Variants in TEX2 observed in about 807,000 individuals in gnomAD.
The protein encoded by TEX2 is testis expressed 2.
In TEX2, 53 loss-of-function variants were observed where a neutral mutation model predicts 106.9. That is an observed-to-expected ratio of 0.50 (90% confidence interval 0.40 to 0.62). The LOEUF is 0.62. Among genes scored for constraint, TEX2 ranks in the 20% least tolerant of loss-of-function variants. The pLI, the probability that TEX2 is intolerant of heterozygous loss-of-function variation, is 0.00. For missense variants in TEX2, 1,207 were observed against 1,379.0 expected, an observed-to-expected ratio of 0.88 and a Z score of 1.98; for synonymous variants, 523 against 534.8, an observed-to-expected ratio of 0.98 and a Z score of 0.30.
At position 64,213,693 on chromosome 17, in the gene TEX2, G is replaced by A; in HGVS notation, c.525C>T (p.Ser175=). 1 of 1,614,154 alleles carries A rather than the reference G, an allele frequency of 6.2e-7. No individual in the cohort carries two copies. The highest frequency in any genetic ancestry group is 8.5e-7 in the Non-Finnish European group (1 of 1,180,028). ...SSPSKSPILS[S]SASTSTLSSA... Reference sequence around the variant, plus strand: ...TGGAAAGGGTGGAGGTTGAGGCACTGGATGAGAGGATGGGAGACTTAGAAG... The same window carrying A: ...TGGAAAGGGTGGAGGTTGAGGCACTAGATGAGAGGATGGGAGACTTAGAAG... The change falls in exon 2 of 12, where the codon TCC becomes TCT. Residue 175 remains serine (S), a synonymous_variant. Coordinates refer to ENST00000584379, the MANE Select transcript of TEX2 (RefSeq NM_001288732.2). The surrounding 1 kb of genome is among the most constrained non-coding windows in gnomAD (Gnocchi z 4.4).
intron 6 of TEX2, 24 bp from the exon 7 acceptor site, chr17:64,171,223 A>G: frequency 6.3e-7 from 1 of 1,594,324 alleles, no homozygotes; most frequent in East Asian, 2.2e-5. Context: ...GCAAACAATG[A>G]GTGAGACCCA....
At chr17:64,243,915 T>C (rs1466400170) in intron 1 of TEX2, among the ~76,000 whole-genome samples, 4 of 151,746 alleles carry the variant, frequency 2.6e-5, no homozygotes, top group African/African-American at 9.7e-5. Context: ...TTCAAGCGAT[T>C]CTCCTGCCTC....
chr17:64,238,795 A>C (rs2033825317), intron 1 of TEX2, among the ~76,000 whole-genome samples: 1 of 152,250 alleles, frequency 6.6e-6, no homozygotes, highest in Non-Finnish European at 1.5e-5. Context: ...GGGTGGGGAC[A>C]CAGCCAAACC....
chr17:64,214,831 G>T (rs2033137233), intron 1 of TEX2, among the ~76,000 whole-genome samples: 1 of 152,230 alleles, frequency 6.6e-6, no homozygotes, highest in Admixed American at 6.5e-5. Context: ...GCCATGGTCT[G>T]TTGGCCTCCT....
chr17:64,257,196 A>G (rs2034199807), intron 1 of TEX2, among the ~76,000 whole-genome samples: 1 of 152,214 alleles, frequency 6.6e-6, no homozygotes, highest in Non-Finnish European at 1.5e-5. Context: ...AATCCAGCAG[A>G]CAAAGGTTAC....
intron 1 of TEX2, among the ~76,000 whole-genome samples, chr17:64,244,600 T>C (rs2033953210): frequency 1.3e-5 from 2 of 152,186 alleles, no homozygotes; most frequent in Admixed American, 6.5e-5. Context: ...GGCAAGCTTT[T>C]TTCTTCAACT....
At chr17:64,158,040 T>G (rs2030712717) in intron 8 of TEX2, among the ~76,000 whole-genome samples, 4 of 152,256 alleles carry the variant, frequency 2.6e-5, no homozygotes, top group Admixed American at 2.6e-4. Context: ...CTCAGGTTAC[T>G]ATCTCAATCC....
chr17:64,155,135 C>A, intron 8 of TEX2, 168 bp from the exon 9 acceptor site: 1 of 796,932 alleles, frequency 1.3e-6, no homozygotes, highest in South Asian at 2.9e-5. Context: ...GAGGCCCAAT[C>A]CAAGAATCCT....
chr17:64,188,503 T>G, intron 4 of TEX2, 88 bp from the exon 5 acceptor site: 1 of 1,577,312 alleles, frequency 6.3e-7, no homozygotes, highest in South Asian at 1.2e-5. Context: ...GCTACAATGC[T>G]ATCAAATGAC....
intron 7 of TEX2, 101 bp from the exon 8 acceptor site, chr17:64,161,034 A>G: frequency 7.7e-7 from 1 of 1,294,644 alleles, no homozygotes. Flanking sequence ...ACCATACTGA[A>G]AGTCCATGTA....
intron 1 of TEX2, among the ~76,000 whole-genome samples, chr17:64,252,651 A>C (rs576380889): frequency 6.6e-6 from 1 of 152,174 alleles, no homozygotes; most frequent in East Asian, 1.9e-4. Flanking sequence ...CCTCAAGTTG[A>C]GTTTCCCTTA....
chr17:64,208,105 C>A (rs1555630999), intron 2 of TEX2, among the ~76,000 whole-genome samples: 1 of 152,166 alleles, frequency 6.6e-6, no homozygotes, highest in African/African-American at 2.4e-5. Flanking sequence ...CACAGGAGAG[C>A]AGACTTGGGT....
chr17:64,202,477 C>T (rs114195264), intron 2 of TEX2, among the ~76,000 whole-genome samples: 44 of 152,322 alleles, frequency 2.9e-4, no homozygotes, highest in Middle Eastern at 3.4e-3. Context: ...CCTTTTGATA[C>T]CATTAATCAG....
At chr17:64,151,037 C>T in intron 10 of TEX2, 76 bp from the exon 11 acceptor site, 1 of 1,510,642 alleles carries the variant, frequency 6.6e-7, no homozygotes, top group Non-Finnish European at 9.0e-7. Flanking sequence ...AAACAGTTCT[C>T]ATTTACATGG....
chr17:64,182,809 ACT>A (rs1491040527), intron 5 of TEX2, among the ~76,000 whole-genome samples: 2 of 73,480 alleles, frequency 2.7e-5, no homozygotes, highest in African/African-American at 9.8e-5. Flanking sequence ...TGCATAATAA[ACT>A]TATTTTTATT....
intron 10 of TEX2, 91 bp downstream of exon 10, chr17:64,152,854 C>T (rs920506159): frequency 6.8e-5 from 91 of 1,342,042 alleles, no homozygotes; most frequent in Non-Finnish European, 8.7e-5. Flanking sequence ...GGAGAAGGTA[C>T]TTTCCATAAC....
intron 4 of TEX2, among the ~76,000 whole-genome samples, chr17:64,190,521 AT>A (rs1265422942): frequency 6.6e-6 from 1 of 152,146 alleles, no homozygotes; most frequent in African/African-American, 2.4e-5. Flanking sequence ...GCTGGTGCTC[AT>A]TGCCCACAGA....
At chr17:64,219,726 A>G (rs2033303672) in intron 1 of TEX2, among the ~76,000 whole-genome samples, 1 of 152,108 alleles carries the variant, frequency 6.6e-6, no homozygotes, top group Admixed American at 6.6e-5. Flanking sequence ...GTTGGAAAGG[A>G]AAAGAAAACA....
chr17:64,240,118 A>G (rs1260743430), intron 1 of TEX2, among the ~76,000 whole-genome samples: 1 of 152,080 alleles, frequency 6.6e-6, no homozygotes, highest in Non-Finnish European at 1.5e-5. Flanking sequence ...AAGTACACTG[A>G]TTATACAATG....
Sources: allele counts gnomAD v4.1 joint callset (sites outside exome capture counted in the v4.1 genomes callset), GRCh38; gene constraint gnomAD v4.1.1; non-coding constraint Gnocchi (gnomAD v3.1); transcripts MANE v1.5; gene names NCBI Gene and HGNC (gene_info 2026-07-23, HGNC 2026-07-21).